Variants in OTUD5 observed in about 807,000 individuals in gnomAD.
OTUD5 encodes OTU deubiquitinase 5.
OTUD5 carries 2 observed loss-of-function variants against 36.3 expected under a neutral mutation model. That is an observed-to-expected ratio of 0.06 (90% CI 0.02 to 0.17). The LOEUF (loss-of-function observed/expected upper bound fraction) is 0.17, where lower values mean the gene tolerates loss of function less well. Among genes scored for constraint, OTUD5 ranks in the 10% least tolerant of loss-of-function variants. The pLI is 1.00. For missense variants in OTUD5, 233 were observed against 512.3 expected (o/e 0.45, Z 5.26); for synonymous variants, 234 against 214.9 (o/e 1.09, Z -0.78).
chrX:48,927,473 C>T (rs1046559885), intron 5 of OTUD5, among the ~76,000 whole-genome samples: 28 of 111,909 alleles, frequency 2.5e-4, no homozygotes, highest in African/African-American at 9.1e-4. Context: ...ATTGGGATTC[C>T]CACAATACTT....
intron 2 of OTUD5, chrX:48,939,955 G>A (rs2063893429): frequency 8.8e-6 from 1 of 113,839 alleles, no homozygotes; most frequent in Admixed American, 9.3e-5. Context: ...TGTCTACAGG[G>A]AACCTAAAAA....
Position 48,922,726 on chromosome X carries a change from T to C in OTUD5, c.*448A>G. On this transcript the variant is annotated 3_prime_UTR_variant, in exon 9 of 9. Coordinates refer to ENST00000376488, the MANE Select transcript of OTUD5 (RefSeq NM_001136157.2). ...GTACTGGGAAGGGAAATTTCCCACTTCTTCCTCCCACCTCCCTGGCATCAG... is the reference window on the plus strand; with the variant it reads ...GTACTGGGAAGGGAAATTTCCCACTCCTTCCTCCCACCTCCCTGGCATCAG... 2 of 759,227 alleles carry C rather than the reference T, an allele frequency of 2.6e-6. No individual in the cohort carries two copies. Among genetic ancestry groups the C allele is most frequent in the Non-Finnish European group, 3.1e-6 (2 of 642,347 alleles). The allele number at this position is 759,227 out of a possible 1,213,427, so 62.6% of individuals were successfully genotyped here.
intron 5 of OTUD5, among the ~76,000 whole-genome samples, chrX:48,931,793 A>G (rs952506642): frequency 3.8e-5 from 4 of 106,404 alleles, no homozygotes; most frequent in Non-Finnish European, 7.7e-5. Context: ...AAAAAAAAAA[A>G]AAAAGTATTA....
At position 48,934,870 on chromosome X, in the gene OTUD5, G is replaced by A; in HGVS notation, c.754-3C>T. ...GAGAAGTAGTCGGCATTCTTCATCT[G>A]CAGAATAGATTGGAAGGTTAAGGTC... is the stretch of plus-strand genomic sequence containing the variant. On this transcript the variant is annotated splice_polypyrimidine_tract_variant and splice_region_variant and intron_variant, in intron 3 of 8. Transcript: ENST00000376488. The A allele has an allele frequency of 8.3e-7, 1 of 1,209,033 alleles. No individual in the cohort carries two copies. Among genetic ancestry groups the A allele is most frequent in the Non-Finnish European group, 1.1e-6 (1 of 892,882 alleles).
intron 2 of OTUD5, among the ~76,000 whole-genome samples, chrX:48,943,040 G>A (rs782090890): frequency 9.0e-6 from 1 of 111,354 alleles, no homozygotes; most frequent in South Asian, 3.8e-4. Context: ...AACTCAAAGA[G>A]GCATTGAGAA....
chrX:48,950,421 T>C (rs782540373), intron 1 of OTUD5, among the ~76,000 whole-genome samples: 12 of 110,454 alleles, frequency 1.1e-4, no homozygotes, highest in African/African-American at 3.6e-4. Context: ...AGGTCTAAAT[T>C]CTCCCTGAGA....
In OTUD5 at chrX:48,934,514, T is replaced by C. The variant is rs1557049451; in HGVS notation, c.1009A>G (p.Asn337Asp). The C allele has an allele frequency of 2.5e-6, 3 of 1,210,092 alleles. No individual in the cohort carries two copies. The highest frequency in any genetic ancestry group is 3.4e-6 in the Non-Finnish European group (3 of 894,144). The change falls in exon 5 of 9, where the codon AAC becomes GAC. Residue 337 changes from asparagine to aspartate, a missense_variant. By Grantham distance (23) the Asn-to-Asp change is conservative (BLOSUM62 1). Around this residue, in one of 3 missense-constraint regions of OTUD5, gnomAD observed 21 missense variants for 161.9 expected, o/e 0.13. Coordinates refer to ENST00000376488, the MANE Select transcript of OTUD5 (RefSeq NM_001136157.2). ...NIHYNSVVNP[N>D]KATIGVGLGL... ...AGCCCCACACCAATGGTGGCCTTGT[T>C]AGGATTCACCACTGAATTATAGTGG...
At chrX:48,950,537 CTTT>C (rs781905691) in intron 1 of OTUD5, among the ~76,000 whole-genome samples, 5 of 83,084 alleles carry the variant, frequency 6.0e-5, no homozygotes, top group Admixed American at 2.8e-4. Context: ...TTCTCTCTCT[CTTT>C]TTTTTTTTTT....
At chrX:48,947,666 G>A (rs1240396374) in intron 1 of OTUD5, among the ~76,000 whole-genome samples, 5 of 105,735 alleles carry the variant, frequency 4.7e-5, no homozygotes, top group Non-Finnish European at 9.7e-5. Flanking sequence ...TCGCACCATT[G>A]CACTCCAGCC....
rs1233752630 is a variant in OTUD5, at chrX:48,923,308, A to G, written c.1580-13T>C. On this transcript the variant is annotated splice_polypyrimidine_tract_variant and intron_variant, in intron 8 of 8. Transcript: ENST00000376488. Reference sequence around the variant, plus strand: ...CAGTCATTCAGACCTGCTGGGCGAGAGGAAGAGGAAAAGGATGATGGAGCG... The same window carrying G: ...CAGTCATTCAGACCTGCTGGGCGAGGGGAAGAGGAAAAGGATGATGGAGCG... 1.7e-6 allele frequency: 2 copies of G among 1,183,441 alleles called. No homozygotes were observed. Among genetic ancestry groups the G allele is most frequent in the Non-Finnish European group, 2.3e-6 (2 of 872,767 alleles).
chrX:48,955,006 G>A (rs1196584195), intron 1 of OTUD5, among the ~76,000 whole-genome samples: 2 of 111,848 alleles, frequency 1.8e-5, no homozygotes, highest in African/African-American at 6.5e-5. Context: ...TCCTCTCCCT[G>A]GACAGAAAGG....
chrX:48,955,872 T>G (rs1183963390), intron 1 of OTUD5, among the ~76,000 whole-genome samples: 6 of 111,562 alleles, frequency 5.4e-5, no homozygotes, highest in Admixed American at 3.8e-4. Flanking sequence ...GACACCAGCC[T>G]TGAGAAGAAG....
At chrX:48,926,693 T>C (rs2063671676) in intron 5 of OTUD5, among the ~76,000 whole-genome samples, 1 of 111,603 alleles carries the variant, frequency 9.0e-6, no homozygotes, top group Non-Finnish European at 1.9e-5. Context: ...GTGATGACTG[T>C]TTCATAATGT....
chrX:48,951,918 T>C (rs1186379938), intron 1 of OTUD5, among the ~76,000 whole-genome samples: 9 of 108,220 alleles, frequency 8.3e-5, no homozygotes, highest in African/African-American at 3.1e-4. Context: ...TAGCCGGGTG[T>C]GGTGGCAGAT....
In OTUD5 at chrX:48,937,957, C is replaced by T. The variant is rs184893887; in HGVS notation, c.689-2939G>A. 2.2e-4 allele frequency among the ~76,000 whole-genome samples: 25 copies of T among 112,256 alleles called. No homozygotes were observed. The East Asian group carries it at 4.7e-3, about 21-fold the overall frequency. On this transcript the variant is annotated intron_variant, in intron 2 of 8. Coordinates refer to ENST00000376488, the MANE Select transcript of OTUD5 (RefSeq NM_001136157.2). The stretch of plus-strand genomic sequence containing the variant: ...AGGATGCATGTCCTCTCCTGGCTCT[C>T]TACCTTTAGCGAAACCAAAGGTCCA...
chrX:48,935,581 GTGACCAGAGGCAAGTGACCCAAGTGTTC>G (rs2063816784), intron 2 of OTUD5, among the ~76,000 whole-genome samples: 1 of 111,262 alleles, frequency 9.0e-6, no homozygotes, highest in Admixed American at 9.6e-5. Flanking sequence ...AGAGAGTTGA[GTGACCAGAGGCAAGTGACCCAAGTGTTC>G]TGAGCCTCAT....
At chrX:48,932,210 C>A (rs2063766447) in intron 5 of OTUD5, among the ~76,000 whole-genome samples, 1 of 107,541 alleles carries the variant, frequency 9.3e-6, no homozygotes, top group Admixed American at 1.0e-4. Context: ...AATAGCAGAA[C>A]TGTGTTTGGG....
At chrX:48,950,217 G>C (rs1602425463) in intron 1 of OTUD5, among the ~76,000 whole-genome samples, 1 of 111,308 alleles carries the variant, frequency 9.0e-6, no homozygotes, top group Non-Finnish European at 1.9e-5. Context: ...CTGGAGATGG[G>C]GGGTTATCTT....
At chrX:48,951,507 C>T (rs1233114536) in intron 1 of OTUD5, among the ~76,000 whole-genome samples, 2 of 111,484 alleles carry the variant, frequency 1.8e-5, no homozygotes, top group Admixed American at 9.5e-5. Context: ...TCCAGCTACT[C>T]GGGAGGCTGA....
Sources: allele counts gnomAD v4.1 joint callset (sites outside exome capture counted in the v4.1 genomes callset), GRCh38; gene constraint gnomAD v4.1.1; regional missense constraint gnomAD v4.1.1; transcripts MANE v1.5; gene names NCBI Gene and HGNC (gene_info 2026-07-23, HGNC 2026-07-21).